The following TRABD2B variants were observed in gnomAD, a reference collection of about 807,000 sequenced individuals.
TRABD2B encodes the protein metalloprotease TIKI2.
A neutral mutation model predicts 40.1 loss-of-function variants in TRABD2B; 14 were observed. The observed-to-expected ratio is 0.35, with a 90% confidence interval of 0.23 to 0.55. TRABD2B has a LOEUF of 0.55. TRABD2B is among the 20% of genes least tolerant of loss of function. The pLI is 0.90. For synonymous variants in TRABD2B, 263 were observed against 277.0 expected (o/e 0.95, Z 0.50); for missense variants, 541 against 648.6 (o/e 0.83, Z 1.80).
At chr1:47,789,558 T>C (rs1644642881) in intron 4 of TRABD2B, among the ~76,000 whole-genome samples, 1 of 152,162 alleles carries the variant, frequency 6.6e-6, no homozygotes, top group Non-Finnish European at 1.5e-5. Context: ...GTGGCCAATT[T>C]CTCTTATGTC....
rs1644270052 is a variant in TRABD2B, at chr1:47,763,852, G to C, written c.*2050C>G. 1 of 152,230 alleles carries C rather than the reference G, an allele frequency of 6.6e-6. No homozygotes were observed. Among genetic ancestry groups the C allele is most frequent in the Non-Finnish European group, 1.5e-5 (1 of 68,056 alleles). 9.4% of individuals were successfully genotyped at this position (152,230 alleles called of 1,614,324 possible). ...ACTTCTGAGCCTGCTTTATAAGTCA[G>C]CTAAGCCCCTTCCCGCTCAGAAATA... is the stretch of plus-strand genomic sequence containing the variant. On this transcript the variant is annotated 3_prime_UTR_variant, in exon 7 of 7. Transcript: ENST00000606738.
intron 2 of TRABD2B, among the ~76,000 whole-genome samples, chr1:47,914,578 T>C (rs1250145008): frequency 1.3e-5 from 2 of 152,126 alleles, no homozygotes; most frequent in African/African-American, 2.4e-5. Flanking sequence ...AAATCTGGGG[T>C]GAGTGCTGGT....
chr1:47,967,166 G>A (rs964416617), intron 2 of TRABD2B, among the ~76,000 whole-genome samples: 3 of 152,056 alleles, frequency 2.0e-5, no homozygotes, highest in Non-Finnish European at 4.4e-5. Context: ...TTCTCTTTTA[G>A]CAAGTTCTTC....
At chr1:47,836,732 G>A (rs529098150) in intron 2 of TRABD2B, among the ~76,000 whole-genome samples, 5 of 152,296 alleles carry the variant, frequency 3.3e-5, no homozygotes, top group African/African-American at 1.2e-4. Context: ...AGGTTATGTG[G>A]GCGGAGCCCT....
At chr1:47,940,826 C>G (rs371926960) in intron 2 of TRABD2B, among the ~76,000 whole-genome samples, 1 of 152,324 alleles carries the variant, frequency 6.6e-6, no homozygotes, top group African/African-American at 2.4e-5. Flanking sequence ...GGGGGAATCT[C>G]GAGAGCATGG....
chr1:47,889,494 C>T (rs1644416747), intron 2 of TRABD2B, among the ~76,000 whole-genome samples: 1 of 152,186 alleles, frequency 6.6e-6, no homozygotes, highest in Non-Finnish European at 1.5e-5. Context: ...ATCTTATTGC[C>T]AGATGTGGGG....
chr1:47,890,876 A>G (rs986086829), intron 2 of TRABD2B, among the ~76,000 whole-genome samples: 2 of 152,270 alleles, frequency 1.3e-5, no homozygotes, highest in Admixed American at 1.3e-4. Flanking sequence ...AGGTTGCTGT[A>G]TTAAGGACGT....
intron 6 of TRABD2B, among the ~76,000 whole-genome samples, chr1:47,769,301 A>C (rs1301910053): frequency 1.3e-5 from 2 of 152,248 alleles, no homozygotes; most frequent in African/African-American, 4.8e-5. Context: ...TCAGGACAGC[A>C]GGCTGGTGTG....
chr1:47,971,930 CACAA>C (rs1185533262), intron 2 of TRABD2B, among the ~76,000 whole-genome samples: 2 of 152,042 alleles, frequency 1.3e-5, no homozygotes, highest in African/African-American at 4.8e-5. Flanking sequence ...TCTCATGGAG[CACAA>C]ACAGATGAAA....
intron 2 of TRABD2B, among the ~76,000 whole-genome samples, chr1:47,876,796 T>C (rs1644231466): frequency 6.6e-6 from 1 of 152,198 alleles, no homozygotes; most frequent in South Asian, 2.1e-4. Flanking sequence ...TTACTCTTTA[T>C]ATACGCACAT....
intron 2 of TRABD2B, among the ~76,000 whole-genome samples, chr1:47,902,354 G>T (rs989654493): frequency 6.6e-6 from 1 of 152,156 alleles, no homozygotes; most frequent in South Asian, 2.1e-4. Context: ...AGTTCCCAGG[G>T]TGACTGCCAA....
intron 3 of TRABD2B, among the ~76,000 whole-genome samples, chr1:47,797,778 C>T (rs1265681761): frequency 6.6e-6 from 1 of 152,048 alleles, no homozygotes; most frequent in Non-Finnish European, 1.5e-5. Context: ...TTGTTGGGGG[C>T]CTTAAATCTT....
At chr1:47,872,220 T>A (rs1292966600) in intron 2 of TRABD2B, among the ~76,000 whole-genome samples, 1 of 152,130 alleles carries the variant, frequency 6.6e-6, no homozygotes, top group East Asian at 1.9e-4. Context: ...TTCACTCCAG[T>A]CCCTCTGGAC....
At chr1:47,869,682 A>G (rs1347917184) in intron 2 of TRABD2B, among the ~76,000 whole-genome samples, 1 of 152,230 alleles carries the variant, frequency 6.6e-6, no homozygotes, top group Non-Finnish European at 1.5e-5. Flanking sequence ...AGAAGGCTTG[A>G]AGAACCTATT....
intron 2 of TRABD2B, among the ~76,000 whole-genome samples, chr1:47,809,153 G>A (rs1644929842): frequency 6.6e-6 from 1 of 152,028 alleles, no homozygotes; most frequent in Admixed American, 6.6e-5. Flanking sequence ...CTTCCCTCAG[G>A]AGAACTCTGA....
chr1:47,888,399 T>A (rs920338058), intron 2 of TRABD2B, among the ~76,000 whole-genome samples: 11 of 152,156 alleles, frequency 7.2e-5, no homozygotes, highest in Non-Finnish European at 1.6e-4. Context: ...TGCAGTGCCC[T>A]TGGGACCCTG....
chr1:47,987,641 G>A (rs1172859475), intron 2 of TRABD2B, among the ~76,000 whole-genome samples: 4 of 152,334 alleles, frequency 2.6e-5, no homozygotes, highest in South Asian at 2.1e-4. Context: ...AATGAACCAG[G>A]TCATGGAGAG....
intron 2 of TRABD2B, among the ~76,000 whole-genome samples, chr1:47,870,293 A>G (rs1644121348): frequency 6.6e-6 from 1 of 152,140 alleles, no homozygotes; most frequent in Admixed American, 6.5e-5. Flanking sequence ...TCTGATGACG[A>G]TAAACAACAC....
At chr1:47,974,368 C>T (rs1366119859) in intron 2 of TRABD2B, among the ~76,000 whole-genome samples, 6 of 152,152 alleles carry the variant, frequency 3.9e-5, no homozygotes, top group African/African-American at 1.2e-4. Flanking sequence ...GTGTTCATGG[C>T]TGGCTCCTCC....
Sources: gnomAD v4.1 joint callset for allele counts (sites outside exome capture counted in the v4.1 genomes callset) on GRCh38, gnomAD v4.1.1 for gene constraint, MANE v1.5 for transcripts, NCBI Gene and HGNC (gene_info 2026-07-23, HGNC 2026-07-21) for gene names.